Variants in UGGT2 observed in about 807,000 individuals in gnomAD.
The protein encoded by UGGT2 is UDP-glucose glycoprotein glucosyltransferase 2.
UGGT2 carries 180 observed loss-of-function variants against 192.1 expected under a neutral mutation model. That is an observed-to-expected ratio of 0.94 (90% CI 0.83 to 1.06). The LOEUF (loss-of-function observed/expected upper bound fraction) is 1.06. Ranked by LOEUF, UGGT2 falls within the 50% of genes least tolerant of loss-of-function variation. The pLI is 0.00. For synonymous variants in UGGT2, 580 were observed against 591.0 expected (o/e 0.98, Z 0.27); for missense variants, 1,849 against 1,795.7 (o/e 1.03, Z -0.54).
chr13:95,888,972 C>G (rs1199912286), intron 25 of UGGT2, among the ~76,000 whole-genome samples: 1 of 151,994 alleles, frequency 6.6e-6, no homozygotes, highest in African/African-American at 2.4e-5. Flanking sequence ...TATGCAGCAT[C>G]ATGTTTGACT....
intron 7 of UGGT2, among the ~76,000 whole-genome samples, chr13:95,994,085 T>C (rs2051542212): frequency 6.6e-6 from 1 of 152,128 alleles, no homozygotes; most frequent in East Asian, 1.9e-4. Flanking sequence ...TATACATTTG[T>C]TCAAGCTAAA....
In UGGT2 at chr13:95,995,936, GTA is replaced by G. The variant is rs1460552442; in HGVS notation, c.830+125_830+126del. 19 of 763,862 alleles carry G rather than the reference GTA, an allele frequency of 2.5e-5. No homozygotes were observed. In the South Asian group the frequency reaches 2.7e-4, roughly 11 times the overall value. 47.3% of individuals were successfully genotyped at this position (763,862 alleles called of 1,614,324 possible). A position where few individuals can be genotyped will look rare whatever the true frequency, so the allele number is the denominator to read the frequency against. ...ACTTCTGTAATAAATAAAAACAATC[GTA>G]TGTGTGTGTGTTTGTACTTTCTACA... On this transcript the variant is annotated intron_variant, in intron 7 of 38. Transcript: ENST00000376747.
intron 12 of UGGT2, among the ~76,000 whole-genome samples, chr13:95,953,941 C>T (rs1190218000): frequency 1.3e-5 from 2 of 151,934 alleles, no homozygotes; most frequent in African/African-American, 4.8e-5. Context: ...TGTGAGAGTC[C>T]CTAAGCATGC....
rs772822905 is a variant in UGGT2 at position 95,894,651 on chromosome 13, A to C, written c.2766T>G (p.Ser922Arg). The C allele has an allele frequency of 1.2e-6, 2 of 1,611,608 alleles. No homozygotes were observed. Among genetic ancestry groups the C allele is most frequent in the South Asian group, 2.2e-5 (2 of 90,646 alleles). The change falls in exon 24 of 39, where the codon AGT (serine) becomes AGG (arginine). Residue 922 changes from serine to arginine, a missense_variant. Ser to Arg is a moderately radical substitution (Grantham distance 110). Coordinates refer to ENST00000376747, the MANE Select transcript of UGGT2 (RefSeq NM_020121.4). ...GGGCATCAACTTTCATAATAAAGTCACTCATGCTAGATAAACAAGACAAAC... is the reference window on the plus strand; with the variant it reads ...GGGCATCAACTTTCATAATAAAGTCCCTCATGCTAGATAAACAAGACAAAC... ...ENMGINANNM[S>R]DFIMKVDALM...
intron 36 of UGGT2, among the ~76,000 whole-genome samples, chr13:95,847,809 G>A (rs1888626963): frequency 6.6e-6 from 1 of 152,196 alleles, no homozygotes. Context: ...CAACTCCTTT[G>A]AGTAAATTCC....
chr13:95,940,380 T>A (rs572595180), intron 15 of UGGT2, among the ~76,000 whole-genome samples: 30 of 151,956 alleles, frequency 2.0e-4, no homozygotes, highest in African/African-American at 7.0e-4. Context: ...TTTTAATGTA[T>A]GTATAATATA....
chr13:95,889,020 A>G (rs1594241761), intron 25 of UGGT2, among the ~76,000 whole-genome samples: 1 of 151,924 alleles, frequency 6.6e-6, no homozygotes, highest in South Asian at 2.1e-4. Flanking sequence ...GGGTCTTGCT[A>G]TGTTGCCCAG....
intron 5 of UGGT2, among the ~76,000 whole-genome samples, chr13:96,010,168 T>C (rs1265524032): frequency 2.0e-5 from 3 of 152,154 alleles, no homozygotes; most frequent in Admixed American, 1.3e-4. Context: ...ATTGCTCTAC[T>C]ATAAAAACAC....
intron 5 of UGGT2, 23 bp downstream of exon 5, chr13:96,013,284 C>T: frequency 6.5e-7 from 1 of 1,529,314 alleles, no homozygotes; most frequent in Non-Finnish European, 8.7e-7. Flanking sequence ...CCAAAAGCAA[C>T]CTTGGAAAAA....
At chr13:95,958,143 T>G (rs1189636272) in intron 12 of UGGT2, among the ~76,000 whole-genome samples, 1 of 152,116 alleles carries the variant, frequency 6.6e-6, no homozygotes, top group Non-Finnish European at 1.5e-5. Flanking sequence ...CCTTTGGCTC[T>G]GAGAAGGCAG....
chr13:95,929,087 G>C (rs1360292887), intron 17 of UGGT2, among the ~76,000 whole-genome samples: 7 of 152,174 alleles, frequency 4.6e-5, no homozygotes, highest in Admixed American at 4.6e-4. Context: ...CCAGGCACTA[G>C]GCAGGCTGAG....
At chr13:95,911,430 A>C (rs1326219598) in intron 20 of UGGT2, among the ~76,000 whole-genome samples, 1 of 152,232 alleles carries the variant, frequency 6.6e-6, no homozygotes, top group Non-Finnish European at 1.5e-5. Context: ...AGAAATACAA[A>C]CTACCATCAG....
At chr13:95,856,875 C>G (rs559410774) in intron 33 of UGGT2, among the ~76,000 whole-genome samples, 1 of 152,174 alleles carries the variant, frequency 6.6e-6, no homozygotes, top group African/African-American at 2.4e-5. Flanking sequence ...TGATTATGGT[C>G]TGAATATTTC....
chr13:95,856,113 A>G, intron 34 of UGGT2, 45 bp downstream of exon 34: 1 of 1,468,066 alleles, frequency 6.8e-7, no homozygotes, highest in Non-Finnish European at 9.3e-7. Flanking sequence ...ATAGAAGTGT[A>G]AAAAATGTTT....
At chr13:95,950,784 CTAAG>C (rs1373014004) in intron 12 of UGGT2, among the ~76,000 whole-genome samples, 1 of 151,844 alleles carries the variant, frequency 6.6e-6, no homozygotes, top group East Asian at 1.9e-4. Context: ...ATTAAGAACT[CTAAG>C]AACTTATTGG....
At chr13:96,053,015 G>A (rs2053531263) in intron 1 of UGGT2, 140 bp downstream of exon 1, 1 of 1,184,570 alleles carries the variant, frequency 8.4e-7, no homozygotes, top group African/African-American at 1.6e-5. Flanking sequence ...AAGGAAGGAG[G>A]TGGTGATGCT....
At chr13:96,021,743 T>C (rs968970539) in intron 4 of UGGT2, among the ~76,000 whole-genome samples, 2 of 152,174 alleles carry the variant, frequency 1.3e-5, no homozygotes, top group Admixed American at 1.3e-4. Context: ...AGAAAAACCT[T>C]GTATCCATCC....
At chr13:95,971,262 A>G (rs1358066250) in intron 11 of UGGT2, among the ~76,000 whole-genome samples, 2 of 152,126 alleles carry the variant, frequency 1.3e-5, no homozygotes, top group Non-Finnish European at 2.9e-5. Context: ...CTCTATATAT[A>G]ATGTCTCTGT....
chr13:95,984,339 AT>A (rs1182024062), intron 9 of UGGT2, among the ~76,000 whole-genome samples: 2 of 152,022 alleles, frequency 1.3e-5, no homozygotes, highest in East Asian at 1.9e-4. Flanking sequence ...TATTAAAAAC[AT>A]TTTTTTAGAG....
Sources: gnomAD v4.1 joint callset for allele counts (sites outside exome capture counted in the v4.1 genomes callset) on GRCh38, gnomAD v4.1.1 for gene constraint, MANE v1.5 for transcripts, NCBI Gene and HGNC (gene_info 2026-07-23, HGNC 2026-07-21) for gene names.